CNTN4: variants seen among roughly 807,000 people sequenced by gnomAD.
The protein encoded by CNTN4 is contactin-4.
Under a neutral mutation model 122.5 loss-of-function variants are expected in CNTN4, and 77 were observed. That is an observed-to-expected ratio of 0.63 (90% CI 0.52 to 0.76). The LOEUF is 0.76. Ranked by LOEUF, CNTN4 falls within the 30% of genes least tolerant of loss-of-function variation. The probability of loss-of-function intolerance (pLI) is 0.00; values close to 1 mark genes in which losing one functional copy is unlikely to be tolerated. For missense variants in CNTN4, 1,256 were observed against 1,259.1 expected, an observed-to-expected ratio of 1.00 and a Z score of 0.04; for synonymous variants, 512 against 447.0, an observed-to-expected ratio of 1.15 and a Z score of -1.83.
At chr3:2,718,302 G>C (rs1042851278) in intron 4 of CNTN4, among the ~76,000 whole-genome samples, 1 of 151,924 alleles carries the variant, frequency 6.6e-6, no homozygotes, top group Non-Finnish European at 1.5e-5. Context: ...TGTTGGGAAA[G>C]TATATTTCAC....
At chr3:2,443,057 G>C (rs2048494550) in intron 3 of CNTN4, among the ~76,000 whole-genome samples, 1 of 151,656 alleles carries the variant, frequency 6.6e-6, no homozygotes, top group African/African-American at 2.4e-5. Flanking sequence ...TAATATCTGG[G>C]TTATGAAGTA....
Position 2,337,940 on chromosome 3 carries a change from G to A in CNTN4, c.-144-1238G>A, listed in dbSNP as rs539016477. On this transcript the variant is annotated intron_variant, in intron 2 of 24. Coordinates refer to ENST00000418658, the MANE Select transcript of CNTN4 (RefSeq NM_175607.3). ...CAGTTGCTGTCCTTAATGTAAGAAAGATAGGTGTTTAGATACATACTAAAC... is the reference window on the plus strand; with the variant it reads ...CAGTTGCTGTCCTTAATGTAAGAAAAATAGGTGTTTAGATACATACTAAAC... Among the ~76,000 whole-genome samples, 6 of 152,140 alleles carry A rather than the reference G, an allele frequency of 3.9e-5. No individual in the cohort carries two copies. The South Asian group carries it at 1.2e-3, about 32-fold the overall frequency.
At position 2,976,453 on chromosome 3, in the gene CNTN4, A is replaced by G. The variant is rs17023962; in HGVS notation, c.1359-11892A>G. ...AAACCCAAATCTTACAACAGAAAGC[A>G]AATTATCTCTAAGGGAACTTTGTCA... On this transcript the variant is annotated intron_variant, in intron 13 of 24. Transcript: ENST00000418658. Among the ~76,000 whole-genome samples, 1,488 of 152,298 alleles carry G rather than the reference A, an allele frequency of 9.8e-3. 24 individuals carry two copies. The highest frequency in any genetic ancestry group is 0.033 in the African/African-American group (1,388 of 41,558).
intron 4 of CNTN4, among the ~76,000 whole-genome samples, chr3:2,730,730 G>T (rs1389850842): frequency 2.0e-5 from 3 of 151,974 alleles, no homozygotes; most frequent in African/African-American, 7.3e-5. Context: ...TTGATATTTG[G>T]GCATCTGCCT....
chr3:2,715,586 G>A (rs984348884), intron 4 of CNTN4, among the ~76,000 whole-genome samples: 6 of 152,174 alleles, frequency 3.9e-5, no homozygotes, highest in African/African-American at 1.4e-4. Flanking sequence ...AGTTAGAGCT[G>A]TCATAACAAA....
rs1269559271 is a variant in CNTN4 at position 2,887,112 on chromosome 3, A to G, written c.828A>G (p.Ser276=). ...PIARKARRHK[S]NGILEIPNFQ... Reference sequence around the variant, plus strand: ...CAAGGAAAGCCAGAAGACACAAGTCAAATGGAATTCTTGAGATCCCTAATT... The same window carrying G: ...CAAGGAAAGCCAGAAGACACAAGTCGAATGGAATTCTTGAGATCCCTAATT... Residue 276 remains serine, a synonymous_variant, in exon 10 of 25, where the codon TCA becomes TCG. Transcript: ENST00000418658. 5 of 1,614,046 alleles carry G rather than the reference A, an allele frequency of 3.1e-6. 1 individual carries two copies. In the Admixed American group the frequency reaches 8.3e-5, roughly 27 times the overall value.
At chr3:2,689,301 T>C (rs539443571) in intron 4 of CNTN4, among the ~76,000 whole-genome samples, 2 of 152,294 alleles carry the variant, frequency 1.3e-5, no homozygotes, top group East Asian at 3.9e-4. Context: ...CCTTGAAATA[T>C]GGCTGCTCTC....
chr3:2,350,189 A>G (rs112510118), intron 3 of CNTN4, among the ~76,000 whole-genome samples: 2 of 152,228 alleles, frequency 1.3e-5, no homozygotes, highest in Non-Finnish European at 2.9e-5. Context: ...AAGGAGAGCC[A>G]TAGTCACAGC....
At chr3:2,450,118 G>A (rs2048772385) in intron 3 of CNTN4, among the ~76,000 whole-genome samples, 1 of 152,178 alleles carries the variant, frequency 6.6e-6, no homozygotes, top group South Asian at 2.1e-4. Context: ...TATAATCCCA[G>A]CACTTTGGAA....
chr3:2,644,955 C>T (rs2083055601), intron 4 of CNTN4, among the ~76,000 whole-genome samples: 1 of 150,694 alleles, frequency 6.6e-6, no homozygotes, highest in African/African-American at 2.4e-5. Context: ...GTTAAATATT[C>T]AAAACTCATT....
At chr3:2,405,476 A>G (rs999960291) in intron 3 of CNTN4, among the ~76,000 whole-genome samples, 3 of 152,094 alleles carry the variant, frequency 2.0e-5, no homozygotes, top group African/African-American at 7.2e-5. Context: ...AGGCACTGAC[A>G]TGAAAGAACC....
At chr3:2,747,666 G>A (rs891279361) in intron 6 of CNTN4, among the ~76,000 whole-genome samples, 2 of 152,082 alleles carry the variant, frequency 1.3e-5, no homozygotes, top group South Asian at 4.2e-4. Context: ...AGTTCGTGGT[G>A]GGTTGACCTG....
intron 3 of CNTN4, among the ~76,000 whole-genome samples, chr3:2,493,502 G>T (rs2076372365): frequency 6.7e-6 from 1 of 149,904 alleles, no homozygotes; most frequent in African/African-American, 2.5e-5. Flanking sequence ...TCTAGTTGGT[G>T]TCTTCTCATG....
intron 6 of CNTN4, among the ~76,000 whole-genome samples, chr3:2,797,405 C>G (rs4685558): frequency 0.047 from 7,175 of 152,242 alleles, 231 homozygotes; most frequent in Non-Finnish European, 0.07. Flanking sequence ...CGAGACCAAC[C>G]TGGCCAACAT....
chr3:2,486,532 G>C (rs2076167788), intron 3 of CNTN4, among the ~76,000 whole-genome samples: 1 of 152,122 alleles, frequency 6.6e-6, no homozygotes, highest in Non-Finnish European at 1.5e-5. Context: ...GATTCTTATA[G>C]AAAAATATAA....
chr3:2,627,754 A>C (rs907552632), intron 4 of CNTN4, among the ~76,000 whole-genome samples: 1 of 151,980 alleles, frequency 6.6e-6, no homozygotes, highest in Non-Finnish European at 1.5e-5. Context: ...CGGCCTCCCA[A>C]AGTGCTGGGA....
chr3:2,772,847 T>C (rs1197245840), intron 6 of CNTN4, among the ~76,000 whole-genome samples: 2 of 152,054 alleles, frequency 1.3e-5, no homozygotes, highest in African/African-American at 2.4e-5. Flanking sequence ...TGGTGAAAAC[T>C]AGTGTTTGAA....
At chr3:2,447,608 T>C (rs2048672011) in intron 3 of CNTN4, among the ~76,000 whole-genome samples, 1 of 152,116 alleles carries the variant, frequency 6.6e-6, no homozygotes, top group African/African-American at 2.4e-5. Flanking sequence ...TATTTATATA[T>C]GTATGTATAT....
intron 3 of CNTN4, among the ~76,000 whole-genome samples, chr3:2,565,852 A>G (rs2079135406): frequency 6.6e-6 from 1 of 152,126 alleles, no homozygotes; most frequent in South Asian, 2.1e-4. Context: ...GAGTTAGGAA[A>G]CTCTCAACTC....
Sources: gnomAD v4.1 joint callset for allele counts (sites outside exome capture counted in the v4.1 genomes callset) on GRCh38, gnomAD v4.1.1 for gene constraint, MANE v1.5 for transcripts, NCBI Gene and HGNC (gene_info 2026-07-23, HGNC 2026-07-21) for gene names.